NTM: variants seen among roughly 807,000 people sequenced by gnomAD.
NTM encodes neurotrimin, also known as IgLON family member 2.
A neutral mutation model predicts 42.1 loss-of-function variants in NTM; 13 were observed. That is an observed-to-expected ratio of 0.31 (90% CI 0.20 to 0.49). The LOEUF is 0.49. Among genes scored for constraint, NTM ranks in the 20% least tolerant of loss-of-function variants. The pLI, the probability that NTM is intolerant of heterozygous loss-of-function variation, is 0.99. For missense variants in NTM, 373 were observed against 452.8 expected, an observed-to-expected ratio of 0.82 and a Z score of 1.60; for synonymous variants, 187 against 179.2, an observed-to-expected ratio of 1.04 and a Z score of -0.35.
intron 1 of NTM, among the ~76,000 whole-genome samples, chr11:131,833,984 T>A (rs1454601346): frequency 6.6e-6 from 1 of 152,220 alleles, no homozygotes; most frequent in Admixed American, 6.5e-5. Context: ...CACTCAGGAC[T>A]CATCTAAGTT....
Position 132,336,510 on chromosome 11 carries a change from A to C in NTM, c.*1364A>C, listed in dbSNP as rs1354891733. On this transcript the variant is annotated 3_prime_UTR_variant, in exon 9 of 9. Transcript: ENST00000683400. The stretch of plus-strand genomic sequence containing the variant: ...CCTGTGGCGTTAACAGACAGCAAGC[A>C]GCTGAACAAGCAGTACCGTCAGTAC... 1.3e-5 allele frequency: 2 copies of C among 152,646 alleles called. No individual in the cohort carries two copies. The highest frequency in any genetic ancestry group is 1.3e-4 in the Admixed American group (2 of 15,290). 9.5% of individuals were successfully genotyped at this position (152,646 alleles called of 1,614,324 possible). A position where few individuals can be genotyped will look rare whatever the true frequency, so the allele number is the denominator to read the frequency against.
At chr11:131,580,759 T>A (rs1472744481) in intron 1 of NTM, among the ~76,000 whole-genome samples, 2 of 152,222 alleles carry the variant, frequency 1.3e-5, no homozygotes, top group African/African-American at 4.8e-5. Flanking sequence ...TTTCTTCGTA[T>A]TCCCTTGCAT....
At chr11:131,913,618 T>C (rs1471031448) in intron 2 of NTM, among the ~76,000 whole-genome samples, 1 of 152,160 alleles carries the variant, frequency 6.6e-6, no homozygotes, top group Non-Finnish European at 1.5e-5. Flanking sequence ...TTTCTCATTC[T>C]GCCGGTCCCC....
At chr11:131,995,583 G>T in intron 2 of NTM, among the ~76,000 whole-genome samples, 1 of 152,082 alleles carries the variant, frequency 6.6e-6, no homozygotes, top group East Asian at 1.9e-4. Flanking sequence ...AGTGTGAGAT[G>T]GGGAAGCGGG....
At chr11:131,701,073 ATTTC>A (rs1409339911) in intron 1 of NTM, among the ~76,000 whole-genome samples, 1 of 152,212 alleles carries the variant, frequency 6.6e-6, no homozygotes, top group African/African-American at 2.4e-5. Context: ...GTAATAAAAT[ATTTC>A]TTTGTCTTTC....
intron 4 of NTM, among the ~76,000 whole-genome samples, chr11:132,304,151 T>A (rs1273794075): frequency 1.3e-5 from 2 of 152,156 alleles, no homozygotes; most frequent in Non-Finnish European, 2.9e-5. Flanking sequence ...GGAGTAGAGT[T>A]TGTGTTTGAT....
At chr11:132,081,754 G>A (rs1179582837) in intron 2 of NTM, among the ~76,000 whole-genome samples, 3 of 151,284 alleles carry the variant, frequency 2.0e-5, no homozygotes, top group African/African-American at 7.3e-5. Flanking sequence ...AAGCCAGACT[G>A]GCTCTTTAAA....
intron 1 of NTM, among the ~76,000 whole-genome samples, chr11:131,695,283 T>C (rs1191703972): frequency 6.6e-6 from 1 of 151,882 alleles, no homozygotes; most frequent in East Asian, 1.9e-4. Context: ...TCTGGCTTGG[T>C]GTTGGTTTTA....
At chr11:132,147,304 G>A (rs1232564899) in intron 3 of NTM, among the ~76,000 whole-genome samples, 1 of 151,834 alleles carries the variant, frequency 6.6e-6, no homozygotes, top group African/African-American at 2.4e-5. Flanking sequence ...CCACAAGGCA[G>A]AACCAGTCCT....
At chr11:131,516,047 TTAA>T (rs2048854533) in intron 1 of NTM, among the ~76,000 whole-genome samples, 2 of 152,250 alleles carry the variant, frequency 1.3e-5, no homozygotes, top group African/African-American at 4.8e-5. Flanking sequence ...ATTCATCCCC[TTAA>T]TAATGATGTG....
chr11:132,231,555 A>G (rs531736164), intron 4 of NTM, among the ~76,000 whole-genome samples: 1 of 152,350 alleles, frequency 6.6e-6, no homozygotes, highest in South Asian at 2.1e-4. Flanking sequence ...AAGTAATACT[A>G]TGATCTAGGT....
chr11:131,719,964 G>A (rs1041607704), intron 1 of NTM, among the ~76,000 whole-genome samples: 3 of 152,166 alleles, frequency 2.0e-5, no homozygotes, highest in African/African-American at 4.8e-5. Flanking sequence ...TGCTCACTAC[G>A]TGTGTATTTT....
intron 1 of NTM, among the ~76,000 whole-genome samples, chr11:131,686,510 TGAGGAGGAA>T (rs1242277560): frequency 6.6e-6 from 1 of 152,094 alleles, no homozygotes; most frequent in Non-Finnish European, 1.5e-5. Context: ...ATGAGTAGGC[TGAGGAGGAA>T]GAGGAGGAGG....
chr11:132,314,910 A>G (rs2095386338), intron 7 of NTM: 1 of 1,347,920 alleles, frequency 7.4e-7, no homozygotes. Flanking sequence ...GAGAAAGAAC[A>G]AGAGATACAG....
intron 2 of NTM, among the ~76,000 whole-genome samples, chr11:132,090,688 T>TTTCTTCCCC (rs113800815): frequency 6.6e-6 from 1 of 152,116 alleles, no homozygotes; most frequent in East Asian, 1.9e-4. Context: ...CTTTCTTCAC[T>TTTCTTCCCC]TTCTTCCCCT....
intron 1 of NTM, among the ~76,000 whole-genome samples, chr11:131,682,994 T>G (rs2073233145): frequency 6.6e-6 from 1 of 152,106 alleles, no homozygotes; most frequent in Admixed American, 6.5e-5. Flanking sequence ...CACCGTTCTC[T>G]CTCTATCACG....
At chr11:131,680,426 T>G in intron 1 of NTM, among the ~76,000 whole-genome samples, 1 of 148,526 alleles carries the variant, frequency 6.7e-6, no homozygotes, top group African/African-American at 2.5e-5. Context: ...TGTGCCTCTG[T>G]GTCTGTGTGT....
intron 2 of NTM, among the ~76,000 whole-genome samples, chr11:132,112,322 C>T (rs955243492): frequency 1.3e-5 from 2 of 152,128 alleles, no homozygotes; most frequent in Admixed American, 6.5e-5. Flanking sequence ...TCTTCTTGCA[C>T]ACATGTTTCA....
At chr11:131,972,042 C>CAAAAAGAAAAA (rs2063620284) in intron 2 of NTM, among the ~76,000 whole-genome samples, 1 of 57,842 alleles carries the variant, frequency 1.7e-5, no homozygotes, top group Non-Finnish European at 3.3e-5. Flanking sequence ...GACTCCGTCT[C>CAAAAAGAAAAA]AAAAAAAAAA....
Sources: gnomAD v4.1 joint callset for allele counts (sites outside exome capture counted in the v4.1 genomes callset) on GRCh38, gnomAD v4.1.1 for gene constraint, MANE v1.5 for transcripts, NCBI Gene and HGNC (gene_info 2026-07-23, HGNC 2026-07-21) for gene names.